Variants in CDH13 observed in about 807,000 individuals in gnomAD.
CDH13 encodes cadherin 13.
A neutral mutation model predicts 63.8 loss-of-function variants in CDH13; 24 were observed. The ratio of observed to expected loss-of-function variants is 0.38; its 90% CI spans 0.27 to 0.53. CDH13 has a LOEUF of 0.53. Among genes scored for constraint, CDH13 ranks in the 20% least tolerant of loss-of-function variants. CDH13 has a pLI of 0.85. For missense variants in CDH13, 1,049 were observed against 903.1 expected (o/e 1.16, Z -2.07); for synonymous variants, 503 against 355.3 (o/e 1.42, Z -4.67).
chr16:82,740,342 T>G (rs1171735418), intron 1 of CDH13, among the ~76,000 whole-genome samples: 1 of 152,210 alleles, frequency 6.6e-6, no homozygotes. Flanking sequence ...CTGGGCTACA[T>G]TTAATCATCA....
chr16:82,997,232 T>A (rs1912346535), intron 2 of CDH13, among the ~76,000 whole-genome samples: 1 of 151,844 alleles, frequency 6.6e-6, no homozygotes, highest in Admixed American at 6.6e-5. Flanking sequence ...GTGGTAAAGA[T>A]GATAATGCCT....
rs566253129 is a variant in CDH13, at chr16:82,790,525, CA to C, written c.46-67830del. On this transcript the variant is annotated intron_variant, in intron 1 of 13. Transcript: ENST00000567109. ...GCTTCAAGGCATATTAATAGACATA[CA>C]AAAAAATTATTTGGTCAAGTGAAAA... Among the ~76,000 whole-genome samples the C allele has an allele frequency of 4.2e-3, 634 of 152,152 alleles. 2 individuals are homozygous for C. The highest frequency in any genetic ancestry group is 0.014 in the African/African-American group (590 of 41,532).
chr16:83,664,036 G>C (rs971094129), intron 8 of CDH13, among the ~76,000 whole-genome samples: 1 of 151,922 alleles, frequency 6.6e-6, no homozygotes, highest in African/African-American at 2.4e-5. Context: ...AGTCATGGTG[G>C]TTTAGGCCTG....
intron 5 of CDH13, among the ~76,000 whole-genome samples, chr16:83,256,687 A>G (rs1906315203): frequency 6.7e-6 from 1 of 149,882 alleles, no homozygotes; most frequent in South Asian, 2.1e-4. Context: ...AAAAAAAAAA[A>G]AAAAAAAATT....
chr16:83,541,111 A>G (rs1222749203), intron 7 of CDH13, among the ~76,000 whole-genome samples: 4 of 152,108 alleles, frequency 2.6e-5, no homozygotes, highest in African/African-American at 9.7e-5. Flanking sequence ...TCAGACTCTC[A>G]GCCCAGCTGC....
chr16:82,753,149 A>G (rs375226017), intron 1 of CDH13, among the ~76,000 whole-genome samples: 2 of 152,136 alleles, frequency 1.3e-5, no homozygotes, highest in African/African-American at 4.8e-5. Context: ...ATTCCTCCTC[A>G]TGAGTCCATG....
At chr16:82,776,697 C>T (rs940940751) in intron 1 of CDH13, among the ~76,000 whole-genome samples, 2 of 152,214 alleles carry the variant, frequency 1.3e-5, no homozygotes, top group East Asian at 3.8e-4. Context: ...TCGGTTTTCT[C>T]TCCAGATTGA....
At chr16:82,627,513 T>C (rs1431075283) in intron 1 of CDH13, among the ~76,000 whole-genome samples, 1 of 150,932 alleles carries the variant, frequency 6.6e-6, no homozygotes, top group Non-Finnish European at 1.5e-5. Context: ...AAAGACTCAG[T>C]TAGAGGCGAC....
rs552426842 is a variant in CDH13 at position 82,915,131 on chromosome 16, C to T, written c.157+56658C>T. 2.0e-5 allele frequency among the ~76,000 whole-genome samples: 3 copies of T among 152,316 alleles called. No individual in the cohort carries two copies. The South Asian group carries it at 6.2e-4, about 32-fold the overall frequency. ...CTTAAACAGAACTCAAGCCTGGATGCTCTCTGCAAAATGGTCTAATTTGGT... is the reference window on the plus strand; with the variant it reads ...CTTAAACAGAACTCAAGCCTGGATGTTCTCTGCAAAATGGTCTAATTTGGT... On this transcript the variant is annotated intron_variant, in intron 2 of 13. Coordinates refer to ENST00000567109, the MANE Select transcript of CDH13 (RefSeq NM_001257.5).
chr16:83,170,406 G>C (rs910772109), intron 4 of CDH13, among the ~76,000 whole-genome samples: 2 of 152,042 alleles, frequency 1.3e-5, no homozygotes, highest in Non-Finnish European at 2.9e-5. Flanking sequence ...GAGACACAGG[G>C]TTCCCAAACT....
At position 83,144,040 on chromosome 16, in the gene CDH13, G is replaced by A. The variant is rs76811036; in HGVS notation, c.483+18539G>A. ...AAACCCCTGGGCCCTGTTTGTTCTT[G>A]TATGAGATAAGGCTAGTAACACTCA... On this transcript the variant is annotated intron_variant, in intron 4 of 13. Transcript: ENST00000567109. Among the ~76,000 whole-genome samples, 1,212 of 152,148 alleles carry A rather than the reference G, an allele frequency of 8.0e-3. 16 individuals carry two copies. The highest frequency in any genetic ancestry group is 0.027 in the African/African-American group (1,120 of 41,520).
chr16:83,783,769 A>G (rs1250031063), intron 13 of CDH13, among the ~76,000 whole-genome samples: 1 of 152,216 alleles, frequency 6.6e-6, no homozygotes, highest in Non-Finnish European at 1.5e-5. Flanking sequence ...AACTTGAGCT[A>G]ATGAAAATGC....
intron 6 of CDH13, among the ~76,000 whole-genome samples, chr16:83,372,050 G>T (rs1037708034): frequency 1.3e-5 from 2 of 152,308 alleles, no homozygotes; most frequent in Middle Eastern, 6.8e-3. Flanking sequence ...GATGCTTCCT[G>T]ATTTGAAACA....
intron 7 of CDH13, among the ~76,000 whole-genome samples, chr16:83,549,548 C>T (rs1467241847): frequency 1.3e-5 from 2 of 151,570 alleles, no homozygotes; most frequent in Admixed American, 1.3e-4. Context: ...CCCAGTCTGG[C>T]TTATGATCAT....
chr16:83,676,311 G>T (rs1405098038), intron 9 of CDH13, among the ~76,000 whole-genome samples: 1 of 152,168 alleles, frequency 6.6e-6, no homozygotes, highest in African/African-American at 2.4e-5. Flanking sequence ...TGTGATTAGT[G>T]CTGGTGTGGG....
intron 2 of CDH13, among the ~76,000 whole-genome samples, chr16:82,919,243 G>A (rs2042083429): frequency 6.6e-6 from 1 of 152,124 alleles, no homozygotes; most frequent in Admixed American, 6.5e-5. Context: ...GAGAATATAT[G>A]CAGGTTAGTT....
rs116370636 is a variant in CDH13 at position 83,114,584 on chromosome 16, A to G, written c.367-10801A>G. Among the ~76,000 whole-genome samples the G allele has an allele frequency of 3.8e-3, 577 of 152,350 alleles. 6 individuals are homozygous for G. Among genetic ancestry groups the G allele is most frequent in the African/African-American group, 0.013 (548 of 41,586 alleles). On this transcript the variant is annotated intron_variant, in intron 3 of 13. Coordinates refer to ENST00000567109, the MANE Select transcript of CDH13 (RefSeq NM_001257.5). Reference sequence around the variant, plus strand: ...TATATCACCACATTTTATTATCAGCATAATTCTATACAGTAAATCTGCAGT... The same window carrying G: ...TATATCACCACATTTTATTATCAGCGTAATTCTATACAGTAAATCTGCAGT...
chr16:83,000,220 C>CTTTTTTTTTTTTTTTTTTTTTT (rs1567731430), intron 2 of CDH13, among the ~76,000 whole-genome samples: 5 of 33,946 alleles, frequency 1.5e-4, no homozygotes, highest in African/African-American at 4.1e-4. Context: ...ACAGGTTTAG[C>CTTTTTTTTTTTTTTTTTTTTTT]TTATTTTTTT....
At chr16:82,994,022 T>C (rs1385481817) in intron 2 of CDH13, among the ~76,000 whole-genome samples, 1 of 152,176 alleles carries the variant, frequency 6.6e-6, no homozygotes, top group African/African-American at 2.4e-5. Flanking sequence ...AAATGTCTTC[T>C]GCAGAGCCAG....
Sources: allele counts gnomAD v4.1 joint callset (sites outside exome capture counted in the v4.1 genomes callset), GRCh38; gene constraint gnomAD v4.1.1; transcripts MANE v1.5; gene names NCBI Gene and HGNC (gene_info 2026-07-23, HGNC 2026-07-21).